ENOX1: variants seen among roughly 807,000 people sequenced by gnomAD.
ENOX1 encodes candidate growth-related and time keeping constitutive hydroquinone (NADH) oxidase.
A neutral mutation model predicts 82.5 loss-of-function variants in ENOX1; 42 were observed. The ratio of observed to expected loss-of-function variants is 0.51; its 90% confidence interval spans 0.40 to 0.66. ENOX1 has a LOEUF of 0.66. ENOX1 is among the 30% of genes least tolerant of loss of function. The pLI is 0.00. For missense variants in ENOX1, 608 were observed against 811.6 expected (o/e 0.75, Z 3.05); for synonymous variants, 271 against 282.2 (o/e 0.96, Z 0.40).
chr13:43,400,809 C>A (rs983661381), intron 5 of ENOX1, among the ~76,000 whole-genome samples: 1 of 152,100 alleles, frequency 6.6e-6, no homozygotes, highest in Admixed American at 6.6e-5. Context: ...GTCTTTCCAC[C>A]CAAGGTATTT....
chr13:43,289,608 C>T (rs570616217), intron 12 of ENOX1, among the ~76,000 whole-genome samples: 3 of 152,208 alleles, frequency 2.0e-5, no homozygotes, highest in African/African-American at 7.2e-5. Flanking sequence ...TGCAAGACCT[C>T]AAACTATAAA....
chr13:43,516,317 G>A (rs2077559366), intron 2 of ENOX1, among the ~76,000 whole-genome samples: 1 of 152,158 alleles, frequency 6.6e-6, no homozygotes, highest in African/African-American at 2.4e-5. Flanking sequence ...ATGTAAGTCA[G>A]TGGGAAAGCT....
At chr13:43,247,294 C>T (rs2043132312) in intron 14 of ENOX1, among the ~76,000 whole-genome samples, 3 of 152,144 alleles carry the variant, frequency 2.0e-5, no homozygotes, top group African/African-American at 7.2e-5. Flanking sequence ...ACCTGGGCAA[C>T]AGAGTGAGAC....
chr13:43,720,703 G>T (rs985432601), intron 1 of ENOX1, among the ~76,000 whole-genome samples: 1 of 152,138 alleles, frequency 6.6e-6, no homozygotes, highest in African/African-American at 2.4e-5. Flanking sequence ...CGAGCAGAGG[G>T]GTATGCACAT....
intron 1 of ENOX1, among the ~76,000 whole-genome samples, chr13:43,772,857 T>C (rs1566909429): frequency 6.6e-6 from 1 of 152,128 alleles, no homozygotes; most frequent in Non-Finnish European, 1.5e-5. Context: ...TTCAGCGTTC[T>C]GCATCAGTAG....
chr13:43,637,523 A>AG (rs3215079), intron 2 of ENOX1, among the ~76,000 whole-genome samples: 37,103 of 151,824 alleles, frequency 0.24, 5,042 homozygotes, highest in Non-Finnish European at 0.32. Context: ...ATAAACATCC[A>AG]GGGGAGGCCA....
intron 2 of ENOX1, among the ~76,000 whole-genome samples, chr13:43,511,928 C>T (rs1052327858): frequency 2.1e-4 from 32 of 151,920 alleles, no homozygotes; most frequent in African/African-American, 7.7e-4. Flanking sequence ...TGTGTGTATA[C>T]TTATGTATAT....
At chr13:43,427,042 C>T (rs535506575) in intron 3 of ENOX1, among the ~76,000 whole-genome samples, 127 of 152,240 alleles carry the variant, frequency 8.3e-4, no homozygotes, top group Non-Finnish European at 1.7e-3. Flanking sequence ...AAAATTTGCA[C>T]AGAAATGCAA....
At chr13:43,280,107 G>T (rs1393876562) in intron 12 of ENOX1, among the ~76,000 whole-genome samples, 5 of 152,210 alleles carry the variant, frequency 3.3e-5, no homozygotes, top group Non-Finnish European at 7.3e-5. Context: ...CACGTGTACA[G>T]TTGTTAATGT....
chr13:43,406,395 G>C (rs1253732199), intron 5 of ENOX1, among the ~76,000 whole-genome samples: 2 of 152,068 alleles, frequency 1.3e-5, no homozygotes, highest in African/African-American at 4.8e-5. Flanking sequence ...TAAGGGTGCT[G>C]ATAGACCCTT....
chr13:43,431,727 T>C (rs2055677217), intron 3 of ENOX1, among the ~76,000 whole-genome samples: 1 of 152,162 alleles, frequency 6.6e-6, no homozygotes. Context: ...AAACACACCG[T>C]ATTAATCATT....
intron 2 of ENOX1, among the ~76,000 whole-genome samples, chr13:43,499,563 C>T (rs189997033): frequency 6.6e-6 from 1 of 152,164 alleles, no homozygotes; most frequent in African/African-American, 2.4e-5. Flanking sequence ...ACCTGCAGAC[C>T]CTGTCAAATG....
chr13:43,236,473 A>G (rs1231734653), intron 15 of ENOX1, among the ~76,000 whole-genome samples, 163 bp downstream of exon 15: 3 of 152,258 alleles, frequency 2.0e-5, no homozygotes, highest in Admixed American at 6.5e-5. Flanking sequence ...ATTAGTTTGT[A>G]TGCCACTAAT....
intron 3 of ENOX1, among the ~76,000 whole-genome samples, chr13:43,440,838 T>C (rs535425418): frequency 1.3e-4 from 20 of 152,324 alleles, no homozygotes; most frequent in Admixed American, 5.2e-4. Context: ...TGATTAATGA[T>C]AAATTTGGCT....
At chr13:43,425,237 C>T (rs2055224295) in intron 3 of ENOX1, among the ~76,000 whole-genome samples, 1 of 152,110 alleles carries the variant, frequency 6.6e-6, no homozygotes, top group South Asian at 2.1e-4. Flanking sequence ...GTTATCTCAG[C>T]AGGCCCTCAT....
At chr13:43,290,655 ATGGG>A (rs1332277102) in intron 12 of ENOX1, among the ~76,000 whole-genome samples, 1 of 152,226 alleles carries the variant, frequency 6.6e-6, no homozygotes, top group African/African-American at 2.4e-5. Flanking sequence ...TACCCAGGTG[ATGGG>A]ATCTGTACGC....
Position 43,369,590 on chromosome 13 carries a change from C to T in ENOX1, c.209-8138G>A, listed in dbSNP as rs141870458. On this transcript the variant is annotated intron_variant, in intron 5 of 16. Transcript: ENST00000690772. ...AAAACACACACGTCTTGTCTGTCTG[C>T]AGAAGGATACTCTCATGCAACTTTG... Among the ~76,000 whole-genome samples, 931 of 152,296 alleles carry T rather than the reference C, an allele frequency of 6.1e-3. 7 individuals are homozygous for T. Among genetic ancestry groups the T allele is most frequent in the Non-Finnish European group, 8.7e-3 (589 of 68,026 alleles).
At chr13:43,243,496 C>T (rs1216640767) in intron 14 of ENOX1, among the ~76,000 whole-genome samples, 1 of 152,164 alleles carries the variant, frequency 6.6e-6, no homozygotes, top group East Asian at 1.9e-4. Flanking sequence ...CTATGTTGAG[C>T]AGGCTGGTCT....
At chr13:43,482,059 G>T (rs1368451876) in intron 3 of ENOX1, among the ~76,000 whole-genome samples, 1 of 152,086 alleles carries the variant, frequency 6.6e-6, no homozygotes, top group Non-Finnish European at 1.5e-5. Flanking sequence ...AATGCAAACT[G>T]GTACTTCTGC....
Sources: allele counts gnomAD v4.1 joint callset (sites outside exome capture counted in the v4.1 genomes callset), GRCh38; gene constraint gnomAD v4.1.1; transcripts MANE v1.5; gene names NCBI Gene and HGNC (gene_info 2026-07-23, HGNC 2026-07-21).